PTGER4: variants seen among roughly 807,000 people sequenced by gnomAD.
PTGER4 encodes prostaglandin E2 receptor EP4 subtype.
Under a neutral mutation model 33.2 loss-of-function variants are expected in PTGER4, and 11 were observed. The ratio of observed to expected loss-of-function variants is 0.33; its 90% confidence interval spans 0.21 to 0.55. The LOEUF is 0.55. Ranked by LOEUF, PTGER4 falls within the 20% of genes least tolerant of loss-of-function variation. The pLI, the probability that PTGER4 is intolerant of heterozygous loss-of-function variation, is 0.92. For missense variants in PTGER4, 481 were observed against 650.2 expected (o/e 0.74, Z 2.83); for synonymous variants, 275 against 281.5 (o/e 0.98, Z 0.23).
downstream of PTGER4, among the ~76,000 whole-genome samples, chr5:40,697,583 C>CA (rs768811169): frequency 0.42 from 39,264 of 93,310 alleles, 7,483 homozygotes; most frequent in Admixed American, 0.5. Context: ...AATTCCATCT[C>CA]AAAAAAAAAA....
chr5:40,710,053 A>C, the PTGER4 span, among the ~76,000 whole-genome samples: 1 of 152,232 alleles, frequency 6.6e-6, no homozygotes, highest in Admixed American at 6.5e-5. Context: ...AAGTAACGGC[A>C]ACAAAAGCCA....
At chr5:40,716,043 C>G in the PTGER4 span, 2 of 964,312 alleles carry the variant, frequency 2.1e-6, no homozygotes, top group African/African-American at 3.3e-5. Context: ...ACATATTTTA[C>G]AACCAGGCGT....
chr5:40,746,787 TA>T, the PTGER4 span: 2 of 1,598,556 alleles, frequency 1.3e-6, no homozygotes, highest in Non-Finnish European at 1.7e-6. Context: ...AAAAAAACTT[TA>T]AATACATACC....
chr5:40,716,018 T>C, the PTGER4 span: 1 of 720,646 alleles, frequency 1.4e-6, no homozygotes. Context: ...AGTTTTTATA[T>C]GCCTCATCTG....
At chr5:40,726,616 GA>G in the PTGER4 span, among the ~76,000 whole-genome samples, 143,471 of 148,216 alleles carry the variant, frequency 0.97, 69,590 homozygotes, top group Non-Finnish European at 1. Context: ...CATATCAACA[GA>G]AAAAAAAAAA....
At chr5:40,744,111 T>C in the PTGER4 span, among the ~76,000 whole-genome samples, 1 of 152,358 alleles carries the variant, frequency 6.6e-6, no homozygotes, top group Admixed American at 6.5e-5. Context: ...TAAAGATGTT[T>C]TATGGATGTA....
the PTGER4 span, chr5:40,730,151 G>GT: frequency 2.2e-5 from 17 of 782,194 alleles, no homozygotes; most frequent in Non-Finnish European, 3.2e-5. Context: ...CAAAGAAACC[G>GT]TATTTGTAAA....
the PTGER4 span, among the ~76,000 whole-genome samples, chr5:40,708,815 A>G: frequency 5.3e-5 from 8 of 152,226 alleles, no homozygotes; most frequent in South Asian, 6.2e-4. Flanking sequence ...CCAGCAGCAC[A>G]TCAAAAAGCT....
intron 2 of PTGER4, chr5:40,685,576 C>A: frequency 2.3e-6 from 1 of 426,272 alleles, no homozygotes; most frequent in Non-Finnish European, 3.1e-6. Flanking sequence ...AGTTTTAAAT[C>A]ATAACATGCA....
At chr5:40,720,976 C>A in the PTGER4 span, among the ~76,000 whole-genome samples, 1 of 152,148 alleles carries the variant, frequency 6.6e-6, no homozygotes, top group Non-Finnish European at 1.5e-5. Context: ...CATAATCTAA[C>A]CACCTACAGG....
At chr5:40,717,761 G>GT in the PTGER4 span, among the ~76,000 whole-genome samples, 5 of 152,278 alleles carry the variant, frequency 3.3e-5, no homozygotes, top group East Asian at 9.7e-4. Context: ...AAACAGATTA[G>GT]TTTTAAGATT....
the PTGER4 span, among the ~76,000 whole-genome samples, chr5:40,700,465 T>G: frequency 6.6e-6 from 1 of 152,184 alleles, no homozygotes; most frequent in African/African-American, 2.4e-5. Context: ...CTCCAACAAG[T>G]GCAGTCGACC....
downstream of PTGER4, among the ~76,000 whole-genome samples, chr5:40,695,209 A>C (rs1244303608): frequency 6.6e-6 from 1 of 152,188 alleles, no homozygotes; most frequent in African/African-American, 2.4e-5. Flanking sequence ...CAAGAGTTCG[A>C]GACCAGGATG....
At chr5:40,717,750 C>G in the PTGER4 span, among the ~76,000 whole-genome samples, 1 of 152,158 alleles carries the variant, frequency 6.6e-6, no homozygotes, top group African/African-American at 2.4e-5. Flanking sequence ...GATTCTCATG[C>G]AAACAGATTA....
At chr5:40,734,135 T>A in the PTGER4 span, among the ~76,000 whole-genome samples, 2 of 152,240 alleles carry the variant, frequency 1.3e-5, no homozygotes, top group Non-Finnish European at 2.9e-5. Flanking sequence ...TTTACTTCAC[T>A]ATCATCAACT....
the PTGER4 span, chr5:40,716,137 A>C: frequency 6.3e-7 from 1 of 1,585,596 alleles, no homozygotes; most frequent in South Asian, 1.2e-5. Flanking sequence ...AATCCTATGC[A>C]TACTGCTTCA....
At chr5:40,743,407 G>GACTT in the PTGER4 span, among the ~76,000 whole-genome samples, 1 of 152,114 alleles carries the variant, frequency 6.6e-6, no homozygotes, top group Non-Finnish European at 1.5e-5. Flanking sequence ...GGTAGGCAGG[G>GACTT]ACTCAGTATT....
the PTGER4 span, among the ~76,000 whole-genome samples, chr5:40,744,903 T>C: frequency 6.6e-5 from 10 of 152,188 alleles, no homozygotes; most frequent in Non-Finnish European, 1.3e-4. Flanking sequence ...AATATAATAT[T>C]ATTTATCTCC....
At chr5:40,729,625 A>C in the PTGER4 span, among the ~76,000 whole-genome samples, 1 of 152,220 alleles carries the variant, frequency 6.6e-6, no homozygotes. Context: ...TGCTAAGTCT[A>C]CTATATTTAA....
Sources: allele counts gnomAD v4.1 joint callset (sites outside exome capture counted in the v4.1 genomes callset), GRCh38; gene constraint gnomAD v4.1.1; transcripts MANE v1.5; gene names NCBI Gene and HGNC (gene_info 2026-07-23, HGNC 2026-07-21).